The following CDH23 variants were observed in gnomAD, a reference collection of about 807,000 sequenced individuals.
The protein encoded by CDH23 is cadherin-23.
In CDH23, 189 loss-of-function variants were observed where a neutral mutation model predicts 317.1. That is an observed-to-expected ratio of 0.60 (90% CI 0.53 to 0.67). The LOEUF (loss-of-function observed/expected upper bound fraction) is 0.67. Ranked by LOEUF, CDH23 falls within the 30% of genes least tolerant of loss-of-function variation. The pLI is 0.00. For missense variants in CDH23, 4,401 were observed against 4,592.4 expected, an observed-to-expected ratio of 0.96 and a Z score of 1.20; for synonymous variants, 1,839 against 1,876.8, an observed-to-expected ratio of 0.98 and a Z score of 0.52.
rs754048516 is a variant in CDH23 at position 71,785,019 on chromosome 10, C to T, written c.5631C>T (p.Asp1877=). The change falls in exon 43 of 70, where the codon GAC becomes GAT. Residue 1877 remains aspartate, a synonymous_variant. Transcript: ENST00000224721. The stretch of plus-strand genomic sequence containing the variant: ...TTGTCGCCCATGTCCTGGCCAGTGA[C>T]GCTGACAGTGGCTGCAATGCACGCC... The part of the protein sequence containing the change: ...SSFVAHVLAS[D]ADSGCNARLT... 24 of 1,614,066 alleles carry T rather than the reference C, an allele frequency of 1.5e-5. No individual in the cohort carries two copies. Among genetic ancestry groups the T allele is most frequent in the Middle Eastern group, 1.6e-4 (1 of 6,062 alleles).
At chr10:71,684,897 T>A (rs1053106521) in intron 18 of CDH23, among the ~76,000 whole-genome samples, 3 of 152,204 alleles carry the variant, frequency 2.0e-5, no homozygotes, top group African/African-American at 7.2e-5. Context: ...TAAAATGTGC[T>A]GAGCTCCAGG....
At chr10:71,531,041 A>C (rs1564635381) in intron 6 of CDH23, among the ~76,000 whole-genome samples, 1 of 152,142 alleles carries the variant, frequency 6.6e-6, no homozygotes, top group Non-Finnish European at 1.5e-5. Flanking sequence ...TCATAAGAAA[A>C]TTCCTCCTAT....
rs757261031 is a variant in CDH23, at chr10:71,793,392, C to T, written c.6464C>T (p.Ser2155Leu). Residue 2155 changes from serine (S) to leucine (L), a missense_variant, in exon 48 of 70, where the codon TCG (serine) becomes TTG (leucine). Ser to Leu is a moderately radical substitution (Grantham distance 145). This residue lies in a region of CDH23 where 3,068 missense variants were observed against 3,203.3 expected (regional missense o/e 0.96). Transcript: ENST00000224721. ...VATDRGTVPL[S>L]GTAIVTILID... Reference sequence around the variant, plus strand: ...ACCGACCGGGGCACCGTTCCTCTCTCGGGCACAGCCATTGTCACCATTCTG... The same window carrying T: ...ACCGACCGGGGCACCGTTCCTCTCTTGGGCACAGCCATTGTCACCATTCTG... 2.4e-5 allele frequency: 38 copies of T among 1,613,874 alleles called. No individual in the cohort carries two copies. The highest frequency in any genetic ancestry group is 2.5e-5 in the Non-Finnish European group (30 of 1,179,902).
intron 69 of CDH23, among the ~76,000 whole-genome samples, chr10:71,814,550 G>A (rs143075485): frequency 3.9e-5 from 6 of 152,268 alleles, no homozygotes; most frequent in East Asian, 3.9e-4. Flanking sequence ...TCCCACCTAC[G>A]TGGGAGGCTG....
rs2133006061 is a variant in CDH23 at position 71,812,351 on chromosome 10, C to G, written c.9381-129C>G. The G allele has an allele frequency of 2.5e-6, 4 of 1,599,884 alleles. No individual in the cohort carries two copies. The East Asian group carries it at 8.9e-5, about 36-fold the overall frequency. ...GAGCATGCACCACAGGCACCAGGGC[C>G]TCACACCCCAAGTCAGTGAAAGGCA... On this transcript the variant is annotated intron_variant, in intron 66 of 69. Transcript: ENST00000224721.
intron 9 of CDH23, among the ~76,000 whole-genome samples, chr10:71,588,666 A>C (rs1280909765): frequency 6.6e-6 from 1 of 152,158 alleles, no homozygotes; most frequent in Non-Finnish European, 1.5e-5. Context: ...GTATAACCCT[A>C]AGACTTCAGT....
At chr10:71,429,638 CG>C (rs1269506589) in intron 1 of CDH23, among the ~76,000 whole-genome samples, 1 of 152,026 alleles carries the variant, frequency 6.6e-6, no homozygotes, top group East Asian at 1.9e-4. Flanking sequence ...TCGTATTTAG[CG>C]GGTGCGTGGA....
In CDH23 at chr10:71,511,169, C is replaced by T. The variant is rs183046743; in HGVS notation, c.386C>T (p.Ala129Val). 98 of 1,613,652 alleles carry T rather than the reference C, an allele frequency of 6.1e-5. No individual in the cohort carries two copies. Among genetic ancestry groups the T allele is most frequent in the East Asian group, 4.5e-4 (20 of 44,858 alleles). ...NIQVGDVNDN[A>V]PTFHNQPYSV... ...CAGGTTGGGGATGTGAATGACAACG[C>T]GCCCACATTTCACAATCAGCCCTAC... The change falls in exon 6 of 70, where the codon GCG becomes GTG. Residue 129 changes from alanine to valine, a missense_variant. By Grantham distance (64) the Ala-to-Val change is moderately conservative. Coordinates refer to ENST00000224721, the MANE Select transcript of CDH23 (RefSeq NM_022124.6).
At chr10:71,773,352 C>A (rs1453533336) in intron 38 of CDH23, 1 of 1,605,336 alleles carries the variant, frequency 6.2e-7, no homozygotes, top group South Asian at 1.1e-5. Flanking sequence ...CCTCCCCCGA[C>A]CTTACCTAGG....
At chr10:71,582,760 C>T (rs140153835) in intron 9 of CDH23, among the ~76,000 whole-genome samples, 22 of 152,264 alleles carry the variant, frequency 1.4e-4, no homozygotes, top group East Asian at 7.7e-4. Flanking sequence ...CACAGTTGAC[C>T]GAGGGCCTTC....
intron 3 of CDH23, among the ~76,000 whole-genome samples, chr10:71,455,344 T>G (rs540154351): frequency 6.6e-6 from 1 of 151,720 alleles, no homozygotes; most frequent in South Asian, 2.1e-4. Flanking sequence ...TTATCAACTT[T>G]CCCACTAATG....
chr10:71,651,545 C>T (rs1405371595), intron 14 of CDH23, among the ~76,000 whole-genome samples: 2 of 131,682 alleles, frequency 1.5e-5, no homozygotes, highest in Non-Finnish European at 1.7e-5. Context: ...CAGAGTGAGA[C>T]CCTATCTCAA....
At chr10:71,631,132 C>T (rs999159897) in intron 11 of CDH23, among the ~76,000 whole-genome samples, 2 of 152,178 alleles carry the variant, frequency 1.3e-5, no homozygotes, top group African/African-American at 4.8e-5. Flanking sequence ...GTAGTCCTAG[C>T]TGCTGGGGAG....
intron 1 of CDH23, among the ~76,000 whole-genome samples, chr10:71,429,134 A>AT (rs1849250614): frequency 6.6e-6 from 1 of 152,174 alleles, no homozygotes; most frequent in Admixed American, 6.5e-5. Flanking sequence ...TTGGTGTCAT[A>AT]TCCATAGTGT....
In CDH23 at chr10:71,646,564, A is replaced by G. The variant is rs756652059; in HGVS notation, c.1396A>G (p.Asn466Asp). Residue 466 changes from asparagine to aspartate, a missense_variant, in exon 14 of 70, where the codon AAC becomes GAC. Transcript: ENST00000224721. Reference protein sequence around the residue: ...NRPIFSQPLYNISLYENVTVG... With the variant: ...NRPIFSQPLYDISLYENVTVG... ...GCCCATCTTCAGCCAGCCACTGTAC[A>G]ACATCAGCCTGTACGAGAACGTCAC... The G allele has an allele frequency of 1.2e-6, 2 of 1,614,000 alleles. No homozygotes were observed. The highest frequency in any genetic ancestry group is 1.7e-5 in the Admixed American group (1 of 60,018).
At chr10:71,510,299 C>A in intron 4 of CDH23, 75 bp downstream of exon 4, 1 of 1,534,632 alleles carries the variant, frequency 6.5e-7, no homozygotes, top group South Asian at 1.2e-5. Flanking sequence ...GACGGCCCGC[C>A]ATCTTTTGGC....
At chr10:71,704,817 T>C (rs1865716559) in intron 24 of CDH23, 94 bp from the exon 25 acceptor site, 6 of 976,984 alleles carry the variant, frequency 6.1e-6, no homozygotes, top group Non-Finnish European at 9.6e-6. Flanking sequence ...TGCAGCCAAG[T>C]GTGGCTTGGC....
chr10:71,778,218 C>T lies in CDH23; in HGVS notation c.5097C>T (p.Asp1699=). 6.2e-7 allele frequency: 1 copy of T among 1,613,880 alleles called. No individual in the cohort carries two copies. Among genetic ancestry groups the T allele is most frequent in the Non-Finnish European group, 8.5e-7 (1 of 1,179,852 alleles). Residue 1699 remains aspartate (D), a synonymous_variant, in exon 40 of 70, where the codon GAC becomes GAT. Transcript: ENST00000224721. ...TCATCACTGCTGCCAAAGAGCTGGA[C>T]TACGAGATCAGCCACGGCCGCTACA... The part of the protein sequence containing the change: ...MGVITAAKEL[D]YEISHGRYTL...
chr10:71,530,257 G>C (rs1165659718), intron 6 of CDH23, among the ~76,000 whole-genome samples: 1 of 152,162 alleles, frequency 6.6e-6, no homozygotes, highest in African/African-American at 2.4e-5. Flanking sequence ...AGCCCTCCTT[G>C]GGGGCTCTGG....
Sources: gnomAD v4.1 joint callset for allele counts (sites outside exome capture counted in the v4.1 genomes callset) on GRCh38, gnomAD v4.1.1 for gene constraint, gnomAD v4.1.1 regional missense constraint, MANE v1.5 for transcripts, NCBI Gene and HGNC (gene_info 2026-07-23, HGNC 2026-07-21) for gene names.